KIF26B: variants seen among roughly 807,000 people sequenced by gnomAD.
The protein encoded by KIF26B is kinesin family member 26B, also known as kinesin-like protein KIF26B.
KIF26B carries 63 observed loss-of-function variants against 151.2 expected under a neutral mutation model. The observed-to-expected ratio is 0.42, with a 90% CI of 0.34 to 0.51. The LOEUF (loss-of-function observed/expected upper bound fraction) is 0.51. Among genes scored for constraint, KIF26B ranks in the 20% least tolerant of loss-of-function variants. KIF26B has a pLI of 0.07. For missense variants in KIF26B, 2,813 were observed against 2,913.6 expected, an observed-to-expected ratio of 0.97 and a Z score of 0.79; for synonymous variants, 1,357 against 1,262.1, an observed-to-expected ratio of 1.08 and a Z score of -1.59.
intron 4 of KIF26B, among the ~76,000 whole-genome samples, chr1:245,489,352 T>C (rs550669110): frequency 1.5e-3 from 234 of 152,352 alleles, no homozygotes; most frequent in Non-Finnish European, 2.8e-3. Flanking sequence ...GATGCTAATG[T>C]AGGAACGATA....
chr1:245,688,069 C>T lies in KIF26B; in HGVS notation c.5086C>T (p.His1696Tyr). The change falls in exon 12 of 15, where the codon CAC becomes TAC. Residue 1696 changes from histidine to tyrosine, a missense_variant. Around this residue, in one of 3 missense-constraint regions of KIF26B, gnomAD observed 2,060 missense variants for 2,088.6 expected, o/e 0.99. Transcript: ENST00000407071. ...ESLSSVSSRL[H>Y]AGKDGTMPRA... Reference sequence around the variant, plus strand: ...CCTGTCCTCCGTGAGCTCCCGGCTGCACGCGGGCAAGGACGGCACCATGCC... The same window carrying T: ...CCTGTCCTCCGTGAGCTCCCGGCTGTACGCGGGCAAGGACGGCACCATGCC... The T allele has an allele frequency of 6.4e-7, 1 of 1,552,960 alleles. No homozygotes were observed. Among genetic ancestry groups the T allele is most frequent in the South Asian group, 1.2e-5 (1 of 84,438 alleles).
intron 2 of KIF26B, among the ~76,000 whole-genome samples, chr1:245,260,725 T>C (rs1670619803): frequency 6.6e-6 from 1 of 152,170 alleles, no homozygotes; most frequent in Admixed American, 6.5e-5. Flanking sequence ...TGTGTCTTAA[T>C]TGTATTGGCA....
chr1:245,552,261 G>A (rs1219717588), intron 5 of KIF26B, among the ~76,000 whole-genome samples: 2 of 151,800 alleles, frequency 1.3e-5, no homozygotes, highest in Non-Finnish European at 2.9e-5. Flanking sequence ...GGGAAGAGGT[G>A]CAGCTGGAGT....
intron 12 of KIF26B, among the ~76,000 whole-genome samples, chr1:245,692,821 T>C (rs1021653847): frequency 5.9e-5 from 9 of 152,176 alleles, no homozygotes; most frequent in African/African-American, 1.9e-4. Context: ...TGGATTTTCA[T>C]TGCTTCATCC....
At chr1:245,268,894 G>A (rs930507636) in intron 2 of KIF26B, among the ~76,000 whole-genome samples, 10 of 152,166 alleles carry the variant, frequency 6.6e-5, no homozygotes, top group Non-Finnish European at 1.5e-4. Context: ...TGGGATGCTT[G>A]GTCCTAGCGG....
In KIF26B at chr1:245,686,081, G is replaced by C. The variant is rs777984836; in HGVS notation, c.3098G>C (p.Ser1033Thr). The change falls in exon 12 of 15, where the codon AGC becomes ACC. Residue 1033 changes from serine to threonine, a missense_variant. This residue lies in a region of KIF26B where 2,060 missense variants were observed against 2,088.6 expected (regional missense o/e 0.99). Transcript: ENST00000407071. This position sits in a 1 kb window ranked among gnomAD's most constrained non-coding sequence, Gnocchi z 5.6. ...GTCCCGGGCAGCAGTAGCCAGCACA[G>C]CGCCTCCCCACTCGTGCAGAGCCCC... ...RSVPGSSSQHSASPLVQSPSL... is the reference protein window; with the variant it reads ...RSVPGSSSQHTASPLVQSPSL... 1.2e-6 allele frequency: 2 copies of C among 1,601,850 alleles called. No homozygotes were observed. The highest frequency in any genetic ancestry group is 2.7e-5 in the African/African-American group (2 of 74,586).
At chr1:245,369,364 A>C (rs1181903806) in intron 3 of KIF26B, among the ~76,000 whole-genome samples, 1 of 152,172 alleles carries the variant, frequency 6.6e-6, no homozygotes, top group Non-Finnish European at 1.5e-5. Flanking sequence ...GAGTGAGTTA[A>C]ATGTGGTTGA....
At chr1:245,432,506 A>G (rs1352958061) in intron 4 of KIF26B, among the ~76,000 whole-genome samples, 1 of 152,210 alleles carries the variant, frequency 6.6e-6, no homozygotes, top group African/African-American at 2.4e-5. Context: ...CAGGACTAGC[A>G]CAAACAAAGT....
chr1:245,670,060 A>G (rs938682502), intron 10 of KIF26B, among the ~76,000 whole-genome samples: 1 of 152,064 alleles, frequency 6.6e-6, no homozygotes, highest in African/African-American at 2.4e-5. Context: ...GTGCACCACA[A>G]TCTCAGACCT....
chr1:245,286,898 A>G (rs1308302065), intron 2 of KIF26B, among the ~76,000 whole-genome samples: 1 of 152,198 alleles, frequency 6.6e-6, no homozygotes, highest in African/African-American at 2.4e-5. Context: ...ACTTGAGGTC[A>G]GGAGTCTGAG....
intron 2 of KIF26B, among the ~76,000 whole-genome samples, chr1:245,243,391 G>A (rs1453710271): frequency 6.6e-6 from 1 of 151,128 alleles, no homozygotes; most frequent in African/African-American, 2.4e-5. Context: ...TGATGCATAT[G>A]TTGTCCCTAC....
At chr1:245,490,176 T>G (rs1355620879) in intron 4 of KIF26B, among the ~76,000 whole-genome samples, 1 of 152,204 alleles carries the variant, frequency 6.6e-6, no homozygotes, top group East Asian at 1.9e-4. Flanking sequence ...TGATTTGTGA[T>G]GTCTGAGATA....
chr1:245,469,779 C>T (rs1659871392), intron 4 of KIF26B, among the ~76,000 whole-genome samples: 1 of 152,106 alleles, frequency 6.6e-6, no homozygotes, highest in South Asian at 2.1e-4. Context: ...AACTTAGAGC[C>T]CTATTGCAAC....
intron 2 of KIF26B, among the ~76,000 whole-genome samples, chr1:245,207,953 C>T (rs1669439465): frequency 6.6e-6 from 1 of 152,180 alleles, no homozygotes; most frequent in African/African-American, 2.4e-5. Context: ...TTTCCTTTTG[C>T]TGTCTGGCTG....
At chr1:245,399,829 C>T (rs569032449) in intron 3 of KIF26B, among the ~76,000 whole-genome samples, 23 of 152,116 alleles carry the variant, frequency 1.5e-4, no homozygotes, top group Non-Finnish European at 2.5e-4. Flanking sequence ...GCCTAACACT[C>T]GCAGGCTATC....
chr1:245,393,072 G>A (rs1212306212), intron 3 of KIF26B, among the ~76,000 whole-genome samples: 2 of 152,110 alleles, frequency 1.3e-5, no homozygotes, highest in African/African-American at 4.8e-5. Flanking sequence ...TCGGGAGGCT[G>A]AGGCAGGAGA....
In KIF26B at chr1:245,155,433, G is replaced by T. The variant is rs756761116; in HGVS notation, c.9G>T (p.Ser3=). The change falls in exon 1 of 15, where the codon TCG becomes TCT. Residue 3 remains serine (S), a synonymous_variant. Coordinates refer to ENST00000407071, the MANE Select transcript of KIF26B (RefSeq NM_018012.4). ...CCTCTGGAAAAGCCACCATGAATTC[G>T]GTAGCTGGGAATAAAGAGAGGCTTG... is the stretch of plus-strand genomic sequence containing the variant. MN[S]VAGNKERLAV... 3 of 1,611,404 alleles carry T rather than the reference G, an allele frequency of 1.9e-6. No homozygotes were observed. The highest frequency in any genetic ancestry group is 1.3e-5 in the African/African-American group (1 of 74,888).
chr1:245,347,964 G>A (rs1477228111), intron 2 of KIF26B, among the ~76,000 whole-genome samples: 4 of 152,194 alleles, frequency 2.6e-5, no homozygotes, highest in African/African-American at 4.8e-5. Flanking sequence ...TATGGGTGAG[G>A]AAACTGAGAA....
At chr1:245,226,704 C>G (rs1669883897) in intron 2 of KIF26B, among the ~76,000 whole-genome samples, 1 of 152,138 alleles carries the variant, frequency 6.6e-6, no homozygotes, top group African/African-American at 2.4e-5. Context: ...CTCAGGTGAT[C>G]CACCCGCCTC....
Sources: gnomAD v4.1 joint callset for allele counts (sites outside exome capture counted in the v4.1 genomes callset) on GRCh38, gnomAD v4.1.1 for gene constraint, gnomAD v4.1.1 regional missense constraint, Gnocchi (gnomAD v3.1) non-coding constraint, MANE v1.5 for transcripts, NCBI Gene and HGNC (gene_info 2026-07-23, HGNC 2026-07-21) for gene names.